Variants in SCML4 observed in about 807,000 individuals in gnomAD.
The protein encoded by SCML4 is Scm polycomb group protein like 4, also known as sex comb on midleg-like protein 4.
Under a neutral mutation model 41.1 loss-of-function variants are expected in SCML4, and 34 were observed. That is an observed-to-expected ratio of 0.83 (90% CI 0.63 to 1.10). The LOEUF (loss-of-function observed/expected upper bound fraction) is 1.10, where lower values mean the gene tolerates loss of function less well. SCML4 is among the 50% of genes least tolerant of loss of function. The pLI is 0.00. For missense variants in SCML4, 522 were observed against 534.1 expected, an observed-to-expected ratio of 0.98 and a Z score of 0.22; for synonymous variants, 214 against 220.9, an observed-to-expected ratio of 0.97 and a Z score of 0.28.
intron 1 of SCML4, among the ~76,000 whole-genome samples, chr6:107,823,675 A>G (rs746882514): frequency 2.2e-4 from 34 of 152,240 alleles, no homozygotes; most frequent in Non-Finnish European, 4.1e-4. Context: ...ACCAATTTTA[A>G]TAACCAAATT....
At chr6:107,839,333 G>T in the SCML4 span, among the ~76,000 whole-genome samples, 1 of 34,810 alleles carries the variant, frequency 2.9e-5, no homozygotes, top group Non-Finnish European at 6.9e-5. Flanking sequence ...GAAAGAAAGA[G>T]AGAGAGAAAA....
chr6:107,777,781 C>T (rs558906579), intron 1 of SCML4, among the ~76,000 whole-genome samples: 12 of 152,082 alleles, frequency 7.9e-5, no homozygotes, highest in Middle Eastern at 3.2e-3. Flanking sequence ...ACCACCTCCC[C>T]GTCCTTGACA....
chr6:107,728,541 G>A (rs1276366310), intron 5 of SCML4, among the ~76,000 whole-genome samples: 2 of 152,132 alleles, frequency 1.3e-5, no homozygotes, highest in African/African-American at 2.4e-5. Context: ...CCCAGGAGGT[G>A]GAGGTTGCAG....
chr6:107,778,252 T>A (rs1358802651), intron 1 of SCML4, among the ~76,000 whole-genome samples: 81 of 87,388 alleles, frequency 9.3e-4, no homozygotes, highest in African/African-American at 1.7e-3. Flanking sequence ...TATATATATA[T>A]ATATATATAT....
chr6:107,819,188 A>G (rs1032269483), intron 1 of SCML4, among the ~76,000 whole-genome samples: 2 of 57,738 alleles, frequency 3.5e-5, no homozygotes, highest in African/African-American at 4.2e-5. Flanking sequence ...GTTTTATCCT[A>G]CTGCCTCTTT....
At chr6:107,839,368 G>GGAAAGAAAGAAAGAAAGAAAGAAA in the SCML4 span, among the ~76,000 whole-genome samples, 80 of 52,540 alleles carry the variant, frequency 1.5e-3, 1 homozygote, top group African/African-American at 5.2e-3. Flanking sequence ...AAAGAAAGAA[G>GGAAAGAAAGAAAGAAAGAAAGAAA]GAAAGAAAGA....
At position 107,814,260 on chromosome 6, in the gene SCML4, A is replaced by G. The variant is rs550819002; in HGVS notation, c.-60+9866T>C. On this transcript the variant is annotated intron_variant, in intron 1 of 7. Coordinates refer to ENST00000369020, the MANE Select transcript of SCML4 (RefSeq NM_198081.5). ...GGGGTTTCAACATCATGGATAAAAA[A>G]GTTAACCGTGGAGCCACTTAATTCA... 7.2e-5 allele frequency among the ~76,000 whole-genome samples: 11 copies of G among 152,370 alleles called. No individual in the cohort carries two copies. In the East Asian group the frequency reaches 1.7e-3, roughly 24 times the overall value.
chr6:107,838,884 A>G, the SCML4 span, among the ~76,000 whole-genome samples: 1 of 152,234 alleles, frequency 6.6e-6, no homozygotes, highest in Non-Finnish European at 1.5e-5. Flanking sequence ...GATGAAGGGA[A>G]GAAGGGTAGA....
chr6:107,710,005 C>T lies in SCML4; in HGVS notation c.974-1994G>A, dbSNP rs115994877. 6.0e-3 allele frequency among the ~76,000 whole-genome samples: 919 copies of T among 152,258 alleles called. 8 individuals carry two copies. Among genetic ancestry groups the T allele is most frequent in the African/African-American group, 0.021 (864 of 41,542 alleles). On this transcript the variant is annotated intron_variant, in intron 6 of 7. Transcript: ENST00000369020. ...GTTTACAGGTATGAGCCACAGCACC[C>T]GGCTTCCTACCCCTTTATTCCTACA...
At chr6:107,793,600 G>A (rs1782499982) in intron 1 of SCML4, among the ~76,000 whole-genome samples, 2 of 152,082 alleles carry the variant, frequency 1.3e-5, no homozygotes, top group Non-Finnish European at 2.9e-5. Context: ...TTCTTCCTGA[G>A]GCAGATCCTA....
At chr6:107,731,552 A>G (rs192995969) in intron 5 of SCML4, among the ~76,000 whole-genome samples, 27 of 152,180 alleles carry the variant, frequency 1.8e-4, no homozygotes, top group African/African-American at 6.3e-4. Flanking sequence ...CCCTTTCCAC[A>G]ATCAGCACGA....
At chr6:107,775,858 A>T (rs1041274261) in intron 1 of SCML4, among the ~76,000 whole-genome samples, 9 of 152,208 alleles carry the variant, frequency 5.9e-5, no homozygotes, top group Non-Finnish European at 1.3e-4. Flanking sequence ...TTAGTCCAGA[A>T]ATTAAATGAA....
At position 107,801,692 on chromosome 6, in the gene SCML4, C is replaced by A. The variant is rs369769671; in HGVS notation, c.-60+22434G>T. Among the ~76,000 whole-genome samples, 11 of 152,228 alleles carry A rather than the reference C, an allele frequency of 7.2e-5. No individual in the cohort carries two copies. The South Asian group carries it at 1.2e-3, about 17-fold the overall frequency. On this transcript the variant is annotated intron_variant, in intron 1 of 7. Coordinates refer to ENST00000369020, the MANE Select transcript of SCML4 (RefSeq NM_198081.5). ...CTGGAAGGATATGTTGCTGACAGGG[C>A]GTATGACTGAGAAATGTGGAATGGG...
chr6:107,740,647 G>A (rs1777511815), intron 5 of SCML4, among the ~76,000 whole-genome samples: 1 of 152,194 alleles, frequency 6.6e-6, no homozygotes, highest in Non-Finnish European at 1.5e-5. Flanking sequence ...AGGTGCGAGA[G>A]GGCTTCAGCT....
At chr6:107,725,420 T>C (rs1161024084) in intron 5 of SCML4, among the ~76,000 whole-genome samples, 1 of 152,176 alleles carries the variant, frequency 6.6e-6, no homozygotes, top group Non-Finnish European at 1.5e-5. Flanking sequence ...TGAATAGGTA[T>C]ACAGATCAAT....
At position 107,704,116 on chromosome 6, in the gene SCML4, T is replaced by C. The variant is rs1490917695; in HGVS notation, c.*1084A>G. Reference sequence around the variant, plus strand: ...GAATTAAACCCCATAATAGCATGTCTGTGTATTTGTTGAGGACTAGAAAAA... The same window carrying C: ...GAATTAAACCCCATAATAGCATGTCCGTGTATTTGTTGAGGACTAGAAAAA... On this transcript the variant is annotated 3_prime_UTR_variant, in exon 8 of 8. Transcript: ENST00000369020. 1 of 152,270 alleles carries C rather than the reference T, an allele frequency of 6.6e-6. No individual in the cohort carries two copies. Among genetic ancestry groups the C allele is most frequent in the Non-Finnish European group, 1.5e-5 (1 of 68,048 alleles). The allele number at this position is 152,270 out of a possible 1,614,324, so 9.4% of individuals were successfully genotyped here.
At chr6:107,754,679 A>T (rs1778959310) in intron 2 of SCML4, among the ~76,000 whole-genome samples, 1 of 152,246 alleles carries the variant, frequency 6.6e-6, no homozygotes. Context: ...TAAGCAAATC[A>T]CACAAAGATA....
chr6:107,745,648 C>T (rs1185509143), intron 4 of SCML4: 1 of 152,796 alleles, frequency 6.5e-6, no homozygotes, highest in African/African-American at 2.4e-5. Flanking sequence ...CATGATGTTT[C>T]CCCACTGCCC....
the SCML4 span, among the ~76,000 whole-genome samples, chr6:107,830,733 T>C: frequency 3.3e-5 from 5 of 151,968 alleles, no homozygotes; most frequent in Non-Finnish European, 7.4e-5. Context: ...ATGTCTGTTA[T>C]CAGAAAAAAA....
Sources: gnomAD v4.1 joint callset for allele counts (sites outside exome capture counted in the v4.1 genomes callset) on GRCh38, gnomAD v4.1.1 for gene constraint, MANE v1.5 for transcripts, NCBI Gene and HGNC (gene_info 2026-07-23, HGNC 2026-07-21) for gene names.